Variants in SLC25A12 observed in about 807,000 individuals in gnomAD.
SLC25A12 encodes solute carrier family 25 member 12.
SLC25A12 carries 32 observed loss-of-function variants against 83.3 expected under a neutral mutation model. The observed-to-expected ratio is 0.38, with a 90% CI of 0.29 to 0.52. SLC25A12 has a LOEUF of 0.52. Ranked by LOEUF, SLC25A12 falls within the 20% of genes least tolerant of loss-of-function variation. The pLI is 0.84. For missense variants in SLC25A12, 611 were observed against 835.6 expected, an observed-to-expected ratio of 0.73 and a Z score of 3.31; for synonymous variants, 267 against 291.1, an observed-to-expected ratio of 0.92 and a Z score of 0.84.
intron 2 of SLC25A12, among the ~76,000 whole-genome samples, chr2:171,869,072 C>A (rs1361469639): frequency 6.6e-6 from 1 of 152,088 alleles, no homozygotes; most frequent in East Asian, 1.9e-4. Flanking sequence ...AGAAGACAGA[C>A]ACTAAAGGCC....
intron 9 of SLC25A12, 146 bp from the exon 10 acceptor site, chr2:171,815,348 A>C: frequency 1.5e-6 from 1 of 660,894 alleles, no homozygotes; most frequent in South Asian, 1.6e-5. Flanking sequence ...AAAGAAGAAA[A>C]TAGGATATTC....
At chr2:171,799,976 T>G (rs1022670239) in intron 13 of SLC25A12, among the ~76,000 whole-genome samples, 2 of 152,164 alleles carry the variant, frequency 1.3e-5, no homozygotes, top group Non-Finnish European at 2.9e-5. Context: ...GATTCGAGTT[T>G]AACAATTAAA....
At chr2:171,865,883 CTCGCAGAGGGGGATTTGGCAGGG>C (rs1485791961) in intron 3 of SLC25A12, among the ~76,000 whole-genome samples, 1 of 150,700 alleles carries the variant, frequency 6.6e-6, no homozygotes, top group East Asian at 1.9e-4. Flanking sequence ...TTGGGTGTTT[CTCGCAGAGGGGGATTTGGCAGGG>C]TCATAGGACA....
chr2:171,808,202 CATGCTTA>C (rs1467296000), intron 13 of SLC25A12, among the ~76,000 whole-genome samples: 2,147 of 152,186 alleles, frequency 0.014, 1,027 homozygotes, highest in Middle Eastern at 0.031. Context: ...AAGAATTGGT[CATGCTTA>C]CACTTTAAAG....
intron 6 of SLC25A12, among the ~76,000 whole-genome samples, chr2:171,836,556 G>C (rs554928014): frequency 6.6e-6 from 1 of 152,208 alleles, no homozygotes; most frequent in Non-Finnish European, 1.5e-5. Context: ...CACAGAGGCT[G>C]ATGGCCACAT....
chr2:171,856,813 A>G (rs1045798001), intron 3 of SLC25A12: 7 of 152,212 alleles, frequency 4.6e-5, no homozygotes, highest in Non-Finnish European at 1.0e-4. Context: ...TACCAATATA[A>G]TACAAATGCT....
chr2:171,874,418 T>A (rs866804415), intron 2 of SLC25A12, among the ~76,000 whole-genome samples: 2 of 152,000 alleles, frequency 1.3e-5, no homozygotes, highest in African/African-American at 4.8e-5. Context: ...AAAAAGAAAA[T>A]ACTAGAAATG....
intron 11 of SLC25A12, among the ~76,000 whole-genome samples, chr2:171,811,134 A>G (rs1343964508): frequency 1.3e-5 from 2 of 152,198 alleles, no homozygotes. Context: ...AACATTTTAT[A>G]TCCTTTAAAT....
chr2:171,834,221 G>C, intron 7 of SLC25A12, 165 bp from the exon 8 acceptor site: 1 of 578,420 alleles, frequency 1.7e-6, no homozygotes, highest in Non-Finnish European at 3.1e-6. Flanking sequence ...ACAAGAATAT[G>C]CATTTCTGAA....
At position 171,893,230 on chromosome 2, in the gene SLC25A12, T is replaced by C. The variant is rs371796365; in HGVS notation, c.41A>G (p.His14Arg). The change falls in exon 2 of 18, where the codon CAT becomes CGT. Residue 14 changes from histidine (H) to arginine (R), a missense_variant. This residue lies in a region of SLC25A12 where 34 missense variants were observed against 23.0 expected (regional missense o/e 1.48). Transcript: ENST00000422440. ...KVQTTKRGDP[H>R]ELRNIFLQYA... is the part of the protein sequence containing the mutation. ...CTGTAGAAATATGTTTCTTAACTCATGAGGATCCCCTCGCTTAGTTGTCTG... is the reference window on the plus strand; with the variant it reads ...CTGTAGAAATATGTTTCTTAACTCACGAGGATCCCCTCGCTTAGTTGTCTG... 7 of 1,614,012 alleles carry C rather than the reference T, an allele frequency of 4.3e-6. No homozygotes were observed. In the African/African-American group the frequency reaches 6.7e-5, roughly 15 times the overall value.
At chr2:171,796,837 C>T (rs907771886) in intron 13 of SLC25A12, among the ~76,000 whole-genome samples, 2 of 152,192 alleles carry the variant, frequency 1.3e-5, no homozygotes, top group African/African-American at 2.4e-5. Context: ...GGGAAACACA[C>T]ATGGCAAATA....
chr2:171,894,180 C>A (rs779130315), intron 1 of SLC25A12, 23 bp downstream of exon 1: 27 of 1,606,164 alleles, frequency 1.7e-5, no homozygotes, highest in Non-Finnish European at 2.3e-5. Context: ...GCAATAAAAG[C>A]AGCAGCAGAG....
chr2:171,833,993 T>A lies in SLC25A12; in HGVS notation c.815A>T (p.Tyr272Phe), dbSNP rs765917245. Residue 272 changes from tyrosine (Y) to phenylalanine (F), a missense_variant, in exon 8 of 18, where the codon TAT becomes TTT. Physicochemically the swap from Tyr to Phe is conservative, Grantham distance 22. Around this residue, in one of 3 missense-constraint regions of SLC25A12, gnomAD observed 540 missense variants for 777.5 expected, o/e 0.69. Transcript: ENST00000422440. ...QVTPLEIDIL[Y>F]QLADLYNASG... ...AGCATTATATAAGTCTGCAAGCTGATATAGAATATCAATTTCTAGTGGTGT... is the reference window on the plus strand; with the variant it reads ...AGCATTATATAAGTCTGCAAGCTGAAATAGAATATCAATTTCTAGTGGTGT... 6.2e-7 allele frequency: 1 copy of A among 1,604,756 alleles called. No homozygotes were observed. Among genetic ancestry groups the A allele is most frequent in the African/African-American group, 1.3e-5 (1 of 74,848 alleles).
intron 13 of SLC25A12, among the ~76,000 whole-genome samples, chr2:171,804,552 C>T (rs576785362): frequency 1.1e-4 from 16 of 152,292 alleles, no homozygotes; most frequent in South Asian, 6.2e-4. Flanking sequence ...TGAGCCACCA[C>T]GCCCAGCCTC....
rs34494239 is a variant in SLC25A12 at position 171,871,918 on chromosome 2, C to CAAA, written c.67-3098_67-3096dup. ...TGGGAGACAGAGCAAGACCCTGTCT[C>CAAA]AAAAAAAAAAAAAAAAAAAAAGTAG... is the stretch of plus-strand genomic sequence containing the variant. On this transcript the variant is annotated intron_variant, in intron 2 of 17. Transcript: ENST00000422440. 6.3e-3 allele frequency: 572 copies of CAAA among 91,150 alleles called. 14 individuals carry two copies. The highest frequency in any genetic ancestry group is 9.0e-3 in the South Asian group (22 of 2,452). The allele number at this position is 91,150 out of a possible 1,614,324, so 5.6% of individuals were successfully genotyped here.
intron 2 of SLC25A12, among the ~76,000 whole-genome samples, chr2:171,878,203 T>G (rs1407308981): frequency 6.6e-6 from 1 of 152,128 alleles, no homozygotes; most frequent in Admixed American, 6.6e-5. Context: ...CGACGGACAC[T>G]AAAACTGGGT....
intron 15 of SLC25A12, among the ~76,000 whole-genome samples, chr2:171,789,768 C>A (rs1191202581): frequency 6.6e-6 from 1 of 152,082 alleles, no homozygotes; most frequent in Non-Finnish European, 1.5e-5. Context: ...GTGGTACACG[C>A]CTGTAGTCCC....
chr2:171,845,112 GATT>G (rs973260711), intron 4 of SLC25A12, among the ~76,000 whole-genome samples: 5 of 152,124 alleles, frequency 3.3e-5, no homozygotes, highest in African/African-American at 1.2e-4. Context: ...TAAAATCCAT[GATT>G]ATTAGTCTGA....
chr2:171,845,413 A>C (rs1385389782), intron 4 of SLC25A12, among the ~76,000 whole-genome samples: 1 of 152,216 alleles, frequency 6.6e-6, no homozygotes, highest in African/African-American at 2.4e-5. Flanking sequence ...AAAGTTAAGA[A>C]AGCAGGAAGC....
Sources: gnomAD v4.1 joint callset for allele counts (sites outside exome capture counted in the v4.1 genomes callset) on GRCh38, gnomAD v4.1.1 for gene constraint, gnomAD v4.1.1 regional missense constraint, MANE v1.5 for transcripts, NCBI Gene and HGNC (gene_info 2026-07-23, HGNC 2026-07-21) for gene names.